MACROD2: variants seen among roughly 807,000 people sequenced by gnomAD.
MACROD2 encodes the protein mono-ADP ribosylhydrolase 2.
In MACROD2, 36 loss-of-function variants were observed where a neutral mutation model predicts 70.4. The ratio of observed to expected loss-of-function variants is 0.51; its 90% CI spans 0.39 to 0.68. The LOEUF (loss-of-function observed/expected upper bound fraction) is 0.68. Among genes scored for constraint, MACROD2 ranks in the 30% least tolerant of loss-of-function variants. The probability of loss-of-function intolerance (pLI) is 0.00; values close to 1 mark genes in which losing one functional copy is unlikely to be tolerated. For synonymous variants in MACROD2, 172 were observed against 178.8 expected, an observed-to-expected ratio of 0.96 and a Z score of 0.30; for missense variants, 496 against 538.4, an observed-to-expected ratio of 0.92 and a Z score of 0.78.
At chr20:15,221,371 T>C (rs1365960747) in intron 5 of MACROD2, among the ~76,000 whole-genome samples, 1 of 152,316 alleles carries the variant, frequency 6.6e-6, no homozygotes, top group South Asian at 2.1e-4. Flanking sequence ...TTTGGGTTCA[T>C]TCTAAAATGA....
intron 3 of MACROD2, among the ~76,000 whole-genome samples, chr20:14,404,030 C>T (rs2083665934): frequency 6.6e-6 from 1 of 151,770 alleles, no homozygotes; most frequent in South Asian, 2.1e-4. Flanking sequence ...ATAAACAGAA[C>T]TATAATAAAT....
At chr20:15,860,091 C>G (rs892989902) in intron 8 of MACROD2, among the ~76,000 whole-genome samples, 1 of 151,978 alleles carries the variant, frequency 6.6e-6, no homozygotes, top group Non-Finnish European at 1.5e-5. Context: ...GCTGAGATCG[C>G]GCCACTGCCC....
chr20:15,468,457 C>A (rs564934664), intron 7 of MACROD2, among the ~76,000 whole-genome samples: 3 of 152,236 alleles, frequency 2.0e-5, no homozygotes, highest in African/African-American at 4.8e-5. Flanking sequence ...GTGATTTGCA[C>A]CTTGCTTCAA....
At chr20:14,139,090 T>C (rs2054837321) in intron 3 of MACROD2, among the ~76,000 whole-genome samples, 2 of 152,142 alleles carry the variant, frequency 1.3e-5, no homozygotes, top group Admixed American at 1.3e-4. Flanking sequence ...AAAGAAAATA[T>C]CTGATGTGCT....
intron 4 of MACROD2, among the ~76,000 whole-genome samples, chr20:14,517,539 G>A (rs1287151770): frequency 1.3e-5 from 2 of 152,138 alleles, no homozygotes; most frequent in Non-Finnish European, 2.9e-5. Flanking sequence ...GCCTGTCAGT[G>A]GGTGGGGGAC....
At chr20:14,632,301 T>G (rs1457531313) in intron 4 of MACROD2, among the ~76,000 whole-genome samples, 2 of 152,290 alleles carry the variant, frequency 1.3e-5, no homozygotes, top group African/African-American at 2.4e-5. Flanking sequence ...AGGTTAAAAG[T>G]TAGAAACATG....
chr20:14,985,140 C>T (rs1183330683), intron 5 of MACROD2, among the ~76,000 whole-genome samples: 4 of 152,156 alleles, frequency 2.6e-5, no homozygotes, highest in African/African-American at 9.7e-5. Context: ...GGAATTCACA[C>T]TGATGTAATT....
chr20:14,325,666 A>G, intron 3 of MACROD2: 1 of 1,613,830 alleles, frequency 6.2e-7, no homozygotes, highest in Non-Finnish European at 8.5e-7. Flanking sequence ...AGGAGGAAAT[A>G]TGGTGTGTAT....
At chr20:15,817,138 A>G (rs1433000753) in intron 8 of MACROD2, among the ~76,000 whole-genome samples, 4 of 152,210 alleles carry the variant, frequency 2.6e-5, no homozygotes, top group Non-Finnish European at 5.9e-5. Context: ...GGTTATCCAT[A>G]CTGTACACAA....
chr20:14,753,275 A>C (rs535732758), intron 5 of MACROD2, among the ~76,000 whole-genome samples: 3 of 152,022 alleles, frequency 2.0e-5, no homozygotes, highest in African/African-American at 7.3e-5. Flanking sequence ...TGATTATTTC[A>C]TGAAAATCTT....
intron 4 of MACROD2, among the ~76,000 whole-genome samples, chr20:14,580,483 A>C (rs1980938242): frequency 1.3e-5 from 2 of 152,190 alleles, no homozygotes; most frequent in Non-Finnish European, 2.9e-5. Flanking sequence ...TTCTCAATAT[A>C]AAATGTTATT....
intron 8 of MACROD2, among the ~76,000 whole-genome samples, chr20:15,821,730 A>G (rs562906547): frequency 2.7e-4 from 41 of 152,326 alleles, no homozygotes; most frequent in African/African-American, 8.9e-4. Context: ...ATTAGGTACT[A>G]TAAGTACTCT....
At chr20:14,158,947 A>G (rs2055144157) in intron 3 of MACROD2, among the ~76,000 whole-genome samples, 5 of 152,272 alleles carry the variant, frequency 3.3e-5, no homozygotes, top group Admixed American at 3.3e-4. Flanking sequence ...TCTATGAAAA[A>G]TAACATTGGC....
At chr20:14,043,197 G>C (rs1281258681) in intron 2 of MACROD2, among the ~76,000 whole-genome samples, 1 of 152,146 alleles carries the variant, frequency 6.6e-6, no homozygotes, top group Non-Finnish European at 1.5e-5. Flanking sequence ...TGGGATTACA[G>C]GTGAGAGCCA....
chr20:14,117,828 G>A (rs1312259019), intron 3 of MACROD2, among the ~76,000 whole-genome samples: 1 of 152,128 alleles, frequency 6.6e-6, no homozygotes, highest in Non-Finnish European at 1.5e-5. Flanking sequence ...AATTGCAGCA[G>A]GCAAAGTTCT....
chr20:14,554,237 A>G (rs1368469308), intron 4 of MACROD2: 1 of 152,148 alleles, frequency 6.6e-6, no homozygotes, highest in Non-Finnish European at 1.5e-5. Context: ...ATATTTTCAG[A>G]ACCCTCATTT....
At chr20:14,702,637 GTATATA>G (rs373374437) in intron 5 of MACROD2, among the ~76,000 whole-genome samples, 4 of 65,370 alleles carry the variant, frequency 6.1e-5, no homozygotes, top group Non-Finnish European at 1.2e-4. Flanking sequence ...ATATATATAT[GTATATA>G]TATATACACA....
intron 5 of MACROD2, among the ~76,000 whole-genome samples, chr20:15,191,051 G>A (rs1462601826): frequency 1.3e-5 from 2 of 152,172 alleles, no homozygotes; most frequent in African/African-American, 4.8e-5. Context: ...ATAGAAAACT[G>A]TATACATAGT....
chr20:14,591,881 G>A (rs1183513737), intron 4 of MACROD2, among the ~76,000 whole-genome samples: 3 of 152,200 alleles, frequency 2.0e-5, no homozygotes, highest in African/African-American at 7.2e-5. Flanking sequence ...TTGAGATCAT[G>A]TAATTATGTA....
Sources: gnomAD v4.1 joint callset for allele counts (sites outside exome capture counted in the v4.1 genomes callset) on GRCh38, gnomAD v4.1.1 for gene constraint, MANE v1.5 for transcripts, NCBI Gene and HGNC (gene_info 2026-07-23, HGNC 2026-07-21) for gene names.